Variants in S100G observed in about 807,000 individuals in gnomAD.
S100G encodes protein S100-G.
Under a neutral mutation model 4.4 loss-of-function variants are expected in S100G, and 4 were observed. The ratio of observed to expected loss-of-function variants is 0.91; its 90% confidence interval spans 0.45 to 2.09. The LOEUF (loss-of-function observed/expected upper bound fraction) is 2.09. Among genes scored for constraint, S100G ranks in the 30% most tolerant of loss-of-function variants. The pLI is 0.03. For synonymous variants in S100G, 24 were observed against 20.1 expected (o/e 1.20, Z -0.53); for missense variants, 48 against 49.8 (o/e 0.96, Z 0.11).
At position 16,654,541 on chromosome X, in the gene S100G, G is replaced by C. The variant is rs1427258306; in HGVS notation, c.*32G>C. On this transcript the variant is annotated 3_prime_UTR_variant, in exon 3 of 3. Coordinates refer to ENST00000380200, the MANE Select transcript of S100G (RefSeq NM_004057.3). ...AAACAAAATAGAACCCTGAGCACTG[G>C]AGGAAGAGCGCCTGTGCTGTGGTCT... The C allele has an allele frequency of 1.1e-6, 1 of 889,264 alleles. No individual in the cohort carries two copies. The highest frequency in any genetic ancestry group is 2.0e-5 in the African/African-American group (1 of 50,590). 73.3% of individuals were successfully genotyped at this position (889,264 alleles called of 1,213,427 possible). A position where few individuals can be genotyped will look rare whatever the true frequency, so the allele number is the denominator to read the frequency against.
chrX:16,651,944 G>A (rs1932662083), intron 2 of S100G, among the ~76,000 whole-genome samples: 1 of 110,031 alleles, frequency 9.1e-6, no homozygotes, highest in Non-Finnish European at 1.9e-5. Context: ...ACTGAAACGT[G>A]TTCTTGCCAT....
At position 16,654,577 on chromosome X, in the gene S100G, G is replaced by A. The variant is rs1932774657; in HGVS notation, c.*68G>A. ...CCTGTGCTGTGGTCTTATCCTATGT[G>A]GAATCCCCCAAAGTCTCTGGTTTAA... On this transcript the variant is annotated 3_prime_UTR_variant, in exon 3 of 3. Transcript: ENST00000380200. The A allele has an allele frequency of 1.7e-6, 1 of 573,997 alleles. No homozygotes were observed. The highest frequency in any genetic ancestry group is 2.8e-6 in the Non-Finnish European group (1 of 359,689). 47.3% of individuals were successfully genotyped at this position (573,997 alleles called of 1,213,427 possible). A position where few individuals can be genotyped will look rare whatever the true frequency, so the allele number is the denominator to read the frequency against.
rs749870927 is a variant in S100G at position 16,651,056 on chromosome X, A to G, written c.50A>G (p.Tyr17Cys). 2.5e-6 allele frequency: 3 copies of G among 1,206,003 alleles called. No individual in the cohort carries two copies. The highest frequency in any genetic ancestry group is 3.4e-6 in the Non-Finnish European group (3 of 890,555). ...GAACTGAAGAGGATTTTTGAAAAAT[A>G]TGCAGCCAAAGAAGGTGATCCAGAC... The part of the protein sequence containing the change: ...PEELKRIFEK[Y>C]AAKEGDPDQL... The change falls in exon 2 of 3, where the codon TAT becomes TGT. Residue 17 changes from tyrosine to cysteine, a missense_variant. Physicochemically the swap from Tyr to Cys is radical, Grantham distance 194 (BLOSUM62 -2). Transcript: ENST00000380200.
chrX:16,650,547 C>T lies in S100G; in HGVS notation c.-9+344C>T, dbSNP rs73630560. Among the ~76,000 whole-genome samples, 147 of 93,020 alleles carry T rather than the reference C, an allele frequency of 1.6e-3. 2 individuals carry two copies. Among genetic ancestry groups the T allele is most frequent in the African/African-American group, 6.0e-3 (143 of 23,966 alleles). The allele number at this position is 93,020 out of a possible 115,157, so 80.8% of individuals were successfully genotyped here. On this transcript the variant is annotated intron_variant, in intron 1 of 2. Transcript: ENST00000380200. The stretch of plus-strand genomic sequence containing the variant: ...TTTTTTTTTTTTTGCAGCGGAGGCT[C>T]GCTCTGTCACCCAGGCTGGAGTGCA...
At position 16,651,210 on chromosome X, in the gene S100G, A is replaced by G. The variant is rs1192686959; in HGVS notation, c.135+69A>G. On this transcript the variant is annotated intron_variant, in intron 2 of 2. Transcript: ENST00000380200. The stretch of plus-strand genomic sequence containing the variant: ...GGAGGGGAGGGAGGGAGGGGAGAGG[A>G]CTCCGGTAGAGCCTTATAGGGACCG... The G allele has an allele frequency of 4.1e-6, 4 of 986,346 alleles. No individual in the cohort carries two copies. In the East Asian group the frequency reaches 1.2e-4, roughly 31 times the overall value. 81.3% of individuals were successfully genotyped at this position (986,346 alleles called of 1,213,427 possible).
intron 2 of S100G, among the ~76,000 whole-genome samples, chrX:16,651,973 C>G (rs1932664428): frequency 9.4e-6 from 1 of 106,451 alleles, no homozygotes; most frequent in Non-Finnish European, 1.9e-5. Flanking sequence ...AGATTGGGCT[C>G]AACTCCAGAA....
intron 2 of S100G, 53 bp downstream of exon 2, chrX:16,651,194 GGAGGGAGGGGAGA>G: frequency 2.1e-6 from 2 of 967,092 alleles, no homozygotes; most frequent in Non-Finnish European, 2.9e-6. Context: ...GGGAGGGGAG[GGAGGGAGGGGAGA>G]GGACTCCGGT....
At chrX:16,650,953 T>C (rs1399837545) in intron 1 of S100G, 46 bp from the exon 2 acceptor site, 6 of 1,129,469 alleles carry the variant, frequency 5.3e-6, no homozygotes, top group Non-Finnish European at 7.2e-6. Flanking sequence ...AGCACAAAAC[T>C]GTACTTCAGC....
chrX:16,652,840 C>T (rs114950278), intron 2 of S100G, among the ~76,000 whole-genome samples: 4,757 of 111,407 alleles, frequency 0.043, 270 homozygotes, highest in African/African-American at 0.15. Flanking sequence ...ATATCATCAC[C>T]ATGCATGGTT....
At chrX:16,650,630 G>A (rs1254826526) in intron 1 of S100G, among the ~76,000 whole-genome samples, 3 of 104,265 alleles carry the variant, frequency 2.9e-5, no homozygotes, top group African/African-American at 1.1e-4. Flanking sequence ...CTCCTGCCTC[G>A]GTCTTCCAAG....
chrX:16,652,359 T>C (rs1932685014), intron 2 of S100G, among the ~76,000 whole-genome samples: 1 of 112,004 alleles, frequency 8.9e-6, no homozygotes, highest in South Asian at 3.7e-4. Context: ...GAAATGTCCC[T>C]TCTGCCAATA....
At chrX:16,650,385 G>A (rs925803002) in intron 1 of S100G, among the ~76,000 whole-genome samples, 182 bp downstream of exon 1, 2 of 111,262 alleles carry the variant, frequency 1.8e-5, no homozygotes, top group African/African-American at 6.5e-5. Flanking sequence ...ACAGCCTGCA[G>A]AGTGCAGATC....
Position 16,651,105 on chromosome X carries a change from G to C in S100G, c.99G>C (p.Lys33Asn). 14 of 1,185,604 alleles carry C rather than the reference G, an allele frequency of 1.2e-5. No homozygotes were observed. The highest frequency in any genetic ancestry group is 1.6e-5 in the Non-Finnish European group (14 of 879,489). Residue 33 changes from lysine to asparagine, a missense_variant, in exon 2 of 3, where the codon AAG becomes AAC. By Grantham distance (94) the Lys-to-Asn change is moderately conservative. Transcript: ENST00000380200. ...ACCAGTTGTCAAAGGATGAACTGAA[G>C]CTATTGATTCAGGCTGAATTCCCCA... is the stretch of plus-strand genomic sequence containing the variant. ...DPDQLSKDEL[K>N]LLIQAEFPSL...
Position 16,653,324 on chromosome X carries a change from C to T in S100G, c.136-1081C>T, listed in dbSNP as rs776051844. On this transcript the variant is annotated intron_variant, in intron 2 of 2. Coordinates refer to ENST00000380200, the MANE Select transcript of S100G (RefSeq NM_004057.3). ...CAAAAAGCCTGCACACGATCTCACA[C>T]GACATCTCAAGCAGTGGTTCTCCAA... 1.3e-4 allele frequency among the ~76,000 whole-genome samples: 15 copies of T among 111,815 alleles called. No homozygotes were observed. The East Asian group carries it at 1.4e-3, about 10-fold the overall frequency.
chrX:16,651,263 G>C lies in S100G; in HGVS notation c.135+122G>C, dbSNP rs1932615935. The C allele has an allele frequency of 4.6e-6, 3 of 658,763 alleles. No individual in the cohort carries two copies. The East Asian group carries it at 1.0e-4, about 22-fold the overall frequency. 54.3% of individuals were successfully genotyped at this position (658,763 alleles called of 1,213,427 possible). Reference sequence around the variant, plus strand: ...GCTTGAGGGAGGACACATGCAGGTGGGGTTTCTTCCCCTTAAGTCAGGCCA... The same window carrying C: ...GCTTGAGGGAGGACACATGCAGGTGCGGTTTCTTCCCCTTAAGTCAGGCCA... On this transcript the variant is annotated intron_variant, in intron 2 of 2. Coordinates refer to ENST00000380200, the MANE Select transcript of S100G (RefSeq NM_004057.3).
intron 1 of S100G, 60 bp from the exon 2 acceptor site, chrX:16,650,939 C>T: frequency 9.7e-7 from 1 of 1,028,791 alleles, no homozygotes; most frequent in African/African-American, 1.9e-5. Flanking sequence ...TGCAGACAAC[C>T]CTCAGCACAA....
intron 2 of S100G, among the ~76,000 whole-genome samples, chrX:16,651,579 T>A (rs1932636023): frequency 8.9e-6 from 1 of 112,325 alleles, no homozygotes; most frequent in South Asian, 3.7e-4. Flanking sequence ...TACTTAGCAG[T>A]CTGTTAGGAA....
intron 2 of S100G, among the ~76,000 whole-genome samples, chrX:16,651,775 T>C (rs1234830119): frequency 1.8e-5 from 2 of 112,051 alleles, no homozygotes; most frequent in Admixed American, 1.9e-4. Flanking sequence ...AAAATCAAAA[T>C]GCATTCAAGG....
At chrX:16,651,369 C>G (rs1007869791) in intron 2 of S100G, among the ~76,000 whole-genome samples, 1 of 111,783 alleles carries the variant, frequency 8.9e-6, no homozygotes, top group East Asian at 2.8e-4. Context: ...CTCTGCAGGA[C>G]TAGCCATAAT....
Sources: gnomAD v4.1 joint callset for allele counts (sites outside exome capture counted in the v4.1 genomes callset) on GRCh38, gnomAD v4.1.1 for gene constraint, MANE v1.5 for transcripts, NCBI Gene and HGNC (gene_info 2026-07-23, HGNC 2026-07-21) for gene names.